The following TBC1D16 variants were observed in gnomAD, a reference collection of about 807,000 sequenced individuals.
TBC1D16 encodes the protein CTD-2529O21.1.
A neutral mutation model predicts 74.7 loss-of-function variants in TBC1D16; 58 were observed. The observed-to-expected ratio is 0.78, with a 90% CI of 0.63 to 0.97. TBC1D16 has a LOEUF of 0.97. Ranked by LOEUF, TBC1D16 falls within the 50% of genes least tolerant of loss-of-function variation. TBC1D16 has a pLI of 0.00. For missense variants in TBC1D16, 1,014 were observed against 1,079.5 expected (o/e 0.94, Z 0.85); for synonymous variants, 493 against 474.7 (o/e 1.04, Z -0.50).
chr17:80,035,825 C>T lies in TBC1D16; in HGVS notation c.-93G>A, dbSNP rs2036987409. 6.8e-6 allele frequency: 1 copy of T among 146,548 alleles called. No individual in the cohort carries two copies. Among genetic ancestry groups the T allele is most frequent in the Admixed American group, 6.8e-5 (1 of 14,768 alleles). The allele number at this position is 146,548 out of a possible 1,614,324, so 9.1% of individuals were successfully genotyped here. The stretch of plus-strand genomic sequence containing the variant: ...TCCCGCTGCGGGGGCCGGATTCGCG[C>T]CGGCTCCGAGAGCCGCCACCGTCGC... On this transcript the variant is annotated 5_prime_UTR_variant, in exon 1 of 12. Coordinates refer to ENST00000310924, the MANE Select transcript of TBC1D16 (RefSeq NM_019020.4). This position sits in a 1 kb window ranked among gnomAD's most constrained non-coding sequence, Gnocchi z 5.3.
Position 79,985,751 on chromosome 17 carries a change from T to TC in TBC1D16, c.779+24408dup, listed in dbSNP as rs2034810810. Reference sequence around the variant, plus strand: ...TGAAGACCTCTCTAATTGCGCACACTCCCCCCTCGGCTGGGTCCTCGGGGA... The same window carrying TC: ...TGAAGACCTCTCTAATTGCGCACACTCCCCCCCTCGGCTGGGTCCTCGGGGA... On this transcript the variant is annotated intron_variant, in intron 3 of 11. Coordinates refer to ENST00000310924, the MANE Select transcript of TBC1D16 (RefSeq NM_019020.4). This position sits in a 1 kb window ranked among gnomAD's most constrained non-coding sequence, Gnocchi z 4.9. Among the ~76,000 whole-genome samples, 1 of 152,220 alleles carries TC rather than the reference T, an allele frequency of 6.6e-6. No homozygotes were observed. The highest frequency in any genetic ancestry group is 1.9e-4 in the East Asian group (1 of 5,180).
At position 79,951,615 on chromosome 17, in the gene TBC1D16, G is replaced by A; in HGVS notation, c.942-18C>T. On this transcript the variant is annotated intron_variant, in intron 4 of 11. Coordinates refer to ENST00000310924, the MANE Select transcript of TBC1D16 (RefSeq NM_019020.4). The stretch of plus-strand genomic sequence containing the variant: ...CCTCGTCGCTGAAGGGCCATTGGAA[G>A]GGGGAGAGGGAAGCCCGATGAATAT... 1.9e-6 allele frequency: 3 copies of A among 1,609,500 alleles called. No homozygotes were observed. The highest frequency in any genetic ancestry group is 2.5e-6 in the Non-Finnish European group (3 of 1,177,538).
rs184074839 is a variant in TBC1D16, at chr17:80,000,796, C to T, written c.779+9364G>A. 8.5e-5 allele frequency among the ~76,000 whole-genome samples: 13 copies of T among 152,342 alleles called. No individual in the cohort carries two copies. The highest frequency in any genetic ancestry group is 3.9e-4 in the Admixed American group (6 of 15,308). On this transcript the variant is annotated intron_variant, in intron 3 of 11. Coordinates refer to ENST00000310924, the MANE Select transcript of TBC1D16 (RefSeq NM_019020.4). The surrounding 1 kb of genome is among the most constrained non-coding windows in gnomAD (Gnocchi z 4.1). ...AACTGAGGTACAGAGTGGTTCAACA[C>T]CGTCCAAGGCCACCCCCTGCGGGTC... is the stretch of plus-strand genomic sequence containing the variant.
At chr17:80,016,626 G>T (rs1167083804) in intron 1 of TBC1D16, among the ~76,000 whole-genome samples, 2 of 151,968 alleles carry the variant, frequency 1.3e-5, no homozygotes, top group South Asian at 4.2e-4. Context: ...GTGGGTGGAG[G>T]GGTCCCCACT....
rs1243399222 is a variant in TBC1D16 at position 80,022,617 on chromosome 17, G to C, written c.-62-9008C>G. Reference sequence around the variant, plus strand: ...GCCTCCAAAAGTGCTGGGATTACAGGCGTGAGCCACCACGTCCGGCCCTGT... The same window carrying C: ...GCCTCCAAAAGTGCTGGGATTACAGCCGTGAGCCACCACGTCCGGCCCTGT... On this transcript the variant is annotated intron_variant, in intron 1 of 11. Transcript: ENST00000310924. 2.7e-5 allele frequency among the ~76,000 whole-genome samples: 4 copies of C among 149,170 alleles called. 1 individual carries two copies. The highest frequency in any genetic ancestry group is 5.2e-5 in the African/African-American group (2 of 38,766).
At chr17:80,005,203 C>T (rs532850357) in intron 3 of TBC1D16, among the ~76,000 whole-genome samples, 264 of 152,312 alleles carry the variant, frequency 1.7e-3, no homozygotes, top group African/African-American at 5.9e-3. Context: ...CCTCAGCCTC[C>T]GGAGTAGCAG....
chr17:79,948,789 TG>T, intron 8 of TBC1D16, 82 bp downstream of exon 8: 1 of 1,570,344 alleles, frequency 6.4e-7, no homozygotes. Flanking sequence ...AGAAACTCGC[TG>T]GGGGCTCATC....
chr17:79,933,271 C>A lies in TBC1D16; in HGVS notation c.*7588G>T, dbSNP rs2031369722. 1 of 152,068 alleles carries A rather than the reference C, an allele frequency of 6.6e-6. No homozygotes were observed. The highest frequency in any genetic ancestry group is 2.1e-4 in the South Asian group (1 of 4,798). The allele number at this position is 152,068 out of a possible 1,614,324, so 9.4% of individuals were successfully genotyped here. On this transcript the variant is annotated 3_prime_UTR_variant, in exon 12 of 12. Coordinates refer to ENST00000310924, the MANE Select transcript of TBC1D16 (RefSeq NM_019020.4). ...GAGGAGGGGGCTGGCTTGAGACCTT[C>A]CTGTTCTATGTTGGGGGGGATACTG...
intron 3 of TBC1D16, among the ~76,000 whole-genome samples, chr17:79,972,083 G>A (rs2034133455): frequency 1.3e-5 from 2 of 152,228 alleles, no homozygotes; most frequent in South Asian, 4.1e-4. Flanking sequence ...AGAGGCTGAA[G>A]CAGCCCAGTG....
At chr17:79,948,780 G>A in intron 8 of TBC1D16, 92 bp downstream of exon 8, 2 of 1,545,416 alleles carry the variant, frequency 1.3e-6, no homozygotes, top group Non-Finnish European at 8.9e-7. Context: ...AGCCCCTGCA[G>A]AAACTCGCTG....
intron 9 of TBC1D16, among the ~76,000 whole-genome samples, chr17:79,945,589 T>C (rs11150823): frequency 0.91 from 137,969 of 152,266 alleles, 62,557 homozygotes; most frequent in East Asian, 0.97. Flanking sequence ...ATTAAGGTCA[T>C]CTCCCAATGA....
intron 1 of TBC1D16, among the ~76,000 whole-genome samples, chr17:80,028,104 G>A (rs1202982891): frequency 1.3e-5 from 2 of 151,906 alleles, no homozygotes; most frequent in Non-Finnish European, 2.9e-5. Context: ...TCTTCGTTAA[G>A]GTTCCAAATG....
intron 9 of TBC1D16, among the ~76,000 whole-genome samples, chr17:79,945,941 G>A (rs896467670): frequency 2.6e-4 from 39 of 152,360 alleles, no homozygotes; most frequent in Middle Eastern, 3.4e-3. Flanking sequence ...GGGAGACTGC[G>A]CTGAAGCTGT....
Position 80,001,167 on chromosome 17 carries a change from C to T in TBC1D16, c.779+8993G>A, listed in dbSNP as rs2035471441. ...TGCCAGTTCATGGGGCTCTGACCAG[C>T]CAGCTGCCCTTCCCGTAACAGCTTC... On this transcript the variant is annotated intron_variant, in intron 3 of 11. Coordinates refer to ENST00000310924, the MANE Select transcript of TBC1D16 (RefSeq NM_019020.4). This position sits in a 1 kb window ranked among gnomAD's most constrained non-coding sequence, Gnocchi z 5.8. 6.6e-6 allele frequency among the ~76,000 whole-genome samples: 1 copy of T among 152,226 alleles called. No individual in the cohort carries two copies. Among genetic ancestry groups the T allele is most frequent in the Non-Finnish European group, 1.5e-5 (1 of 68,038 alleles).
In TBC1D16 at chr17:79,985,703, T is replaced by G. The variant is rs867508895; in HGVS notation, c.779+24457A>C. ...CTCATAAACTGTGCTAAATGCCATT[T>G]AGTAGCTAATTAACTTTCTGTGTGA... On this transcript the variant is annotated intron_variant, in intron 3 of 11. Transcript: ENST00000310924. This position sits in a 1 kb window ranked among gnomAD's most constrained non-coding sequence, Gnocchi z 4.9. Among the ~76,000 whole-genome samples the G allele has an allele frequency of 1.3e-5, 2 of 152,238 alleles. No homozygotes were observed. Among genetic ancestry groups the G allele is most frequent in the African/African-American group, 4.8e-5 (2 of 41,454 alleles).
Position 79,994,396 on chromosome 17 carries a change from G to C in TBC1D16, c.779+15764C>G, listed in dbSNP as rs544996272. On this transcript the variant is annotated intron_variant, in intron 3 of 11. Transcript: ENST00000310924. The surrounding 1 kb of genome is among the most constrained non-coding windows in gnomAD (Gnocchi z 4.6). The stretch of plus-strand genomic sequence containing the variant: ...AGAGGGAGTCCATGAAGAAGGGCTG[G>C]CCAGAGAATATTTTGTTTTGTTTTG... Among the ~76,000 whole-genome samples, 6 of 152,174 alleles carry C rather than the reference G, an allele frequency of 3.9e-5. No individual in the cohort carries two copies. In the South Asian group the frequency reaches 1.2e-3, roughly 32 times the overall value.
intron 3 of TBC1D16, among the ~76,000 whole-genome samples, chr17:80,003,455 G>A (rs1568627293): frequency 6.6e-6 from 1 of 152,204 alleles, no homozygotes; most frequent in Admixed American, 6.5e-5. Context: ...GGCGGCACTG[G>A]TGTCACTGGA....
At position 79,972,122 on chromosome 17, in the gene TBC1D16, G is replaced by A. The variant is rs567099404; in HGVS notation, c.780-19304C>T. ...ATCGATGGGTGAATGGAGAAAGAAA[G>A]TGTTGTCCCTGCATGCAATGGCAGG... is the stretch of plus-strand genomic sequence containing the variant. On this transcript the variant is annotated intron_variant, in intron 3 of 11. Coordinates refer to ENST00000310924, the MANE Select transcript of TBC1D16 (RefSeq NM_019020.4). Among the ~76,000 whole-genome samples the A allele has an allele frequency of 2.6e-5, 4 of 152,320 alleles. No individual in the cohort carries two copies. The South Asian group carries it at 8.3e-4, about 32-fold the overall frequency.
At chr17:79,960,779 CAAAAAAAAAAAAAAAA>C (rs746450905) in intron 3 of TBC1D16, among the ~76,000 whole-genome samples, 3 of 33,948 alleles carry the variant, frequency 8.8e-5, no homozygotes, top group Non-Finnish European at 1.1e-4. Context: ...AACAAAAACC[CAAAAAAAAAAAAAAAA>C]AAAAAAAAAA....
Sources: gnomAD v4.1 joint callset for allele counts (sites outside exome capture counted in the v4.1 genomes callset) on GRCh38, gnomAD v4.1.1 for gene constraint, Gnocchi (gnomAD v3.1) non-coding constraint, MANE v1.5 for transcripts, NCBI Gene and HGNC (gene_info 2026-07-23, HGNC 2026-07-21) for gene names.